The following HPS3 variants were observed in gnomAD, a reference collection of about 807,000 sequenced individuals.
HPS3 encodes HPS3 biogenesis of lysosomal organelles complex 2 subunit 1, also known as BLOC-2 complex member HPS3.
A neutral mutation model predicts 110.9 loss-of-function variants in HPS3; 79 were observed. The observed-to-expected ratio is 0.71, with a 90% CI of 0.59 to 0.86. The LOEUF is 0.86. Ranked by LOEUF, HPS3 falls within the 40% of genes least tolerant of loss-of-function variation. The pLI, the probability that HPS3 is intolerant of heterozygous loss-of-function variation, is 0.00. For missense variants in HPS3, 1,197 were observed against 1,206.2 expected (o/e 0.99, Z 0.11); for synonymous variants, 428 against 451.0 (o/e 0.95, Z 0.65).
rs1370536746 is a variant in HPS3, at chr3:149,158,572, G to T, written c.1692-94G>T. On this transcript the variant is annotated intron_variant, in intron 9 of 16. Transcript: ENST00000296051. ...GGAGGCTGAGGTAGGATAATCACTTGAGGTCAGGAGTTTGAAATCAGTCTG... is the reference window on the plus strand; with the variant it reads ...GGAGGCTGAGGTAGGATAATCACTTTAGGTCAGGAGTTTGAAATCAGTCTG... 10 of 1,152,348 alleles carry T rather than the reference G, an allele frequency of 8.7e-6. No individual in the cohort carries two copies. The South Asian group carries it at 1.2e-4, about 14-fold the overall frequency. 71.4% of individuals were successfully genotyped at this position (1,152,348 alleles called of 1,614,324 possible). A position where few individuals can be genotyped will look rare whatever the true frequency, so the allele number is the denominator to read the frequency against.
At chr3:149,165,453 A>G (rs1724319400) in intron 14 of HPS3, among the ~76,000 whole-genome samples, 1 of 151,576 alleles carries the variant, frequency 6.6e-6, no homozygotes, top group Non-Finnish European at 1.5e-5. Context: ...TTGCTGTTGA[A>G]GGAGAAACAT....
At chr3:149,149,135 T>TTTC (rs1722955891) in intron 5 of HPS3, among the ~76,000 whole-genome samples, 1 of 150,802 alleles carries the variant, frequency 6.6e-6, no homozygotes, top group Admixed American at 6.6e-5. Flanking sequence ...TTTTTTTTTT[T>TTTC]TGTATTTTTA....
intron 11 of HPS3, among the ~76,000 whole-genome samples, chr3:149,160,485 T>C (rs896574398): frequency 1.3e-5 from 2 of 152,212 alleles, no homozygotes; most frequent in Admixed American, 6.5e-5. Flanking sequence ...GCAGTGGATA[T>C]ACAAAGACTT....
intron 11 of HPS3, among the ~76,000 whole-genome samples, chr3:149,160,677 G>A (rs1054331338): frequency 4.6e-5 from 7 of 152,306 alleles, no homozygotes; most frequent in Admixed American, 4.6e-4. Context: ...AGTAGTTGCA[G>A]AAATAGCCCC....
At chr3:149,150,819 G>C in intron 6 of HPS3, 139 bp downstream of exon 6, 1 of 733,492 alleles carries the variant, frequency 1.4e-6, no homozygotes, top group South Asian at 1.5e-5. Flanking sequence ...TAGAACTTTT[G>C]GATGTAAAAT....
intron 6 of HPS3, among the ~76,000 whole-genome samples, chr3:149,153,142 A>G (rs1390399670): frequency 6.6e-6 from 1 of 152,236 alleles, no homozygotes; most frequent in Non-Finnish European, 1.5e-5. Context: ...CCTGGGTGGC[A>G]GAGTACCAGC....
chr3:149,148,697 G>A (rs1722926035), intron 5 of HPS3, among the ~76,000 whole-genome samples: 1 of 151,586 alleles, frequency 6.6e-6, no homozygotes. Context: ...GAGCCACCAT[G>A]CCCGGCCATT....
rs1171103569 is a variant in HPS3, at chr3:149,163,961, T to C, written c.2589+12T>C. 1.6e-6 allele frequency: 2 copies of C among 1,241,670 alleles called. No homozygotes were observed. The highest frequency in any genetic ancestry group is 1.7e-5 in the Admixed American group (1 of 59,292). 76.9% of individuals were successfully genotyped at this position (1,241,670 alleles called of 1,614,324 possible). A position where few individuals can be genotyped will look rare whatever the true frequency, so the allele number is the denominator to read the frequency against. ...TTTCAAAATTACAGGTAAGTAAAAA[T>C]ACCTCCTTTTCTTATGAAATTGCAT... On this transcript the variant is annotated intron_variant, in intron 14 of 16. Transcript: ENST00000296051.
rs774417341 is a variant in HPS3 at position 149,172,926 on chromosome 3, A to T, written c.*704A>T. On this transcript the variant is annotated 3_prime_UTR_variant, in exon 17 of 17. Coordinates refer to ENST00000296051, the MANE Select transcript of HPS3 (RefSeq NM_032383.5). ...ACTCTTGCTCTTTTAGCTAGAGTGT[A>T]TGTGAAAATAAAGAAATACATCATT... 1 of 152,626 alleles carries T rather than the reference A, an allele frequency of 6.6e-6. No individual in the cohort carries two copies. The highest frequency in any genetic ancestry group is 2.4e-5 in the African/African-American group (1 of 41,454). 9.5% of individuals were successfully genotyped at this position (152,626 alleles called of 1,614,324 possible). A position where few individuals can be genotyped will look rare whatever the true frequency, so the allele number is the denominator to read the frequency against.
chr3:149,150,642 G>T lies in HPS3; in HGVS notation c.1207G>T (p.Ala403Ser), dbSNP rs1182108600. ...CACTGTGCGGTGCAGTGCGGCGGCAGCTCGTGAGGAGGACCCGTACATGGA... is the reference window on the plus strand; with the variant it reads ...CACTGTGCGGTGCAGTGCGGCGGCATCTCGTGAGGAGGACCCGTACATGGA... ...CFTVRCSAAAAREEDPYMDTT... is the reference protein window; with the variant it reads ...CFTVRCSAAASREEDPYMDTT... Residue 403 changes from alanine to serine, a missense_variant, in exon 6 of 17, where the codon GCT becomes TCT. Coordinates refer to ENST00000296051, the MANE Select transcript of HPS3 (RefSeq NM_032383.5). 1.9e-6 allele frequency: 3 copies of T among 1,614,096 alleles called. No individual in the cohort carries two copies. In the Admixed American group the frequency reaches 5.0e-5, roughly 27 times the overall value.
chr3:149,129,717 C>T lies in HPS3; in HGVS notation c.-7C>T. 1 of 1,577,376 alleles carries T rather than the reference C, an allele frequency of 6.3e-7. No homozygotes were observed. The highest frequency in any genetic ancestry group is 8.6e-7 in the Non-Finnish European group (1 of 1,163,368). The stretch of plus-strand genomic sequence containing the variant: ...GGGCAGGCTGTGCCATCCCGCCGGA[C>T]GTCGGGATGGTGCAGCTGTACAACC... On this transcript the variant is annotated 5_prime_UTR_variant, in exon 1 of 17. The change creates a new upstream start codon in the 5' untranslated region. Transcript: ENST00000296051.
In HPS3 at chr3:149,157,355, C is replaced by G. The variant is rs1723517546; in HGVS notation, c.1515C>G (p.Asp505Glu). The G allele has an allele frequency of 6.2e-7, 1 of 1,612,860 alleles. No individual in the cohort carries two copies. The highest frequency in any genetic ancestry group is 1.3e-5 in the African/African-American group (1 of 74,904). ...SPVQLYKEMVDYSNTYKTVKT... is the reference protein window; with the variant it reads ...SPVQLYKEMVEYSNTYKTVKT... ...TGTTTGTCTTTTTTGTTTAGGTAGA[C>G]TATAGCAATACCTATAAGACTGTCA... Residue 505 changes from aspartate to glutamate, a missense_variant, in exon 9 of 17, where the codon GAC (aspartate) becomes GAG (glutamate). Coordinates refer to ENST00000296051, the MANE Select transcript of HPS3 (RefSeq NM_032383.5).
rs113858031 is a variant in HPS3 at position 149,163,018 on chromosome 3, C to T, written c.2481+140C>T. The T allele has an allele frequency of 1.0e-4, 75 of 748,898 alleles. 1 individual carries two copies. Among genetic ancestry groups the T allele is most frequent in the African/African-American group, 9.8e-4 (56 of 56,940 alleles). The allele number at this position is 748,898 out of a possible 1,614,324, so 46.4% of individuals were successfully genotyped here. A position where few individuals can be genotyped will look rare whatever the true frequency, so the allele number is the denominator to read the frequency against. On this transcript the variant is annotated intron_variant, in intron 13 of 16. Transcript: ENST00000296051. Reference sequence around the variant, plus strand: ...CTTATTTATGCAGGAGTTAAAAATACACTTAAAATTTGTCTTTAACTGAAG... The same window carrying T: ...CTTATTTATGCAGGAGTTAAAAATATACTTAAAATTTGTCTTTAACTGAAG...
intron 4 of HPS3, among the ~76,000 whole-genome samples, chr3:149,144,386 A>G (rs1722666597): frequency 6.6e-6 from 1 of 152,160 alleles, no homozygotes; most frequent in Admixed American, 6.5e-5. Flanking sequence ...CCGTCTCAAA[A>G]AATAAAAATA....
At chr3:149,148,716 T>TG (rs912096407) in intron 5 of HPS3, among the ~76,000 whole-genome samples, 22 of 151,456 alleles carry the variant, frequency 1.5e-4, no homozygotes, top group Non-Finnish European at 2.4e-4. Flanking sequence ...TTTTTTTTTT[T>TG]TTGTTGTTGT....
intron 4 of HPS3, among the ~76,000 whole-genome samples, chr3:149,144,338 G>T (rs760087560): frequency 6.6e-6 from 1 of 152,076 alleles, no homozygotes; most frequent in South Asian, 2.1e-4. Context: ...AGCCGAGATC[G>T]TGCCACTGCA....
intron 1 of HPS3, among the ~76,000 whole-genome samples, chr3:149,134,127 GACA>G (rs1384515174): frequency 3.3e-5 from 5 of 152,098 alleles, no homozygotes; most frequent in Non-Finnish European, 7.4e-5. Context: ...TTTGCCTAAT[GACA>G]ACATTAGCAG....
At position 149,166,096 on chromosome 3, in the gene HPS3, T is replaced by C. The variant is rs753209460; in HGVS notation, c.2590-938T>C. On this transcript the variant is annotated intron_variant, in intron 14 of 16. Transcript: ENST00000296051. ...GGACAAGAAAATTAGGACATGACCATCTCATCTTTATCCTGGAGAAAGGGA... is the reference window on the plus strand; with the variant it reads ...GGACAAGAAAATTAGGACATGACCACCTCATCTTTATCCTGGAGAAAGGGA... 1.6e-5 allele frequency: 7 copies of C among 445,722 alleles called. 1 individual carries two copies. Among genetic ancestry groups the C allele is most frequent in the South Asian group, 1.1e-4 (7 of 61,814 alleles). The allele number at this position is 445,722 out of a possible 1,614,324, so 27.6% of individuals were successfully genotyped here. A position where few individuals can be genotyped will look rare whatever the true frequency, so the allele number is the denominator to read the frequency against.
chr3:149,162,055 G>A (rs1723912910), intron 11 of HPS3, 93 bp from the exon 12 acceptor site: 1 of 977,014 alleles, frequency 1.0e-6, no homozygotes, highest in South Asian at 1.4e-5. Context: ...GCTTAACCAT[G>A]CATTGTGAAT....
Sources: gnomAD v4.1 joint callset for allele counts (sites outside exome capture counted in the v4.1 genomes callset) on GRCh38, gnomAD v4.1.1 for gene constraint, MANE v1.5 for transcripts, NCBI Gene and HGNC (gene_info 2026-07-23, HGNC 2026-07-21) for gene names.